MS4A13: variants seen among roughly 807,000 people sequenced by gnomAD.
The protein encoded by MS4A13 is membrane-spanning 4-domains subfamily A member 13.
MS4A13 carries 21 observed loss-of-function variants against 18.4 expected under a neutral mutation model. The ratio of observed to expected loss-of-function variants is 1.14; its 90% CI spans 0.81 to 1.64. The LOEUF is 1.64. MS4A13 is among the 40% of genes most tolerant of loss of function. The probability of loss-of-function intolerance (pLI) is 0.00; values close to 1 mark genes in which losing one functional copy is unlikely to be tolerated. For missense variants in MS4A13, 173 were observed against 176.8 expected (o/e 0.98, Z 0.12); for synonymous variants, 62 against 57.2 (o/e 1.08, Z -0.38).
At chr11:60,525,398 G>A in intron 5 of MS4A13, 72 bp downstream of exon 5, 1 of 1,015,078 alleles carries the variant, frequency 9.9e-7, no homozygotes, top group Non-Finnish European at 1.4e-6. Context: ...AATCTTAGGA[G>A]GTAAGATGAG....
At chr11:60,542,442 T>A (rs2086867869) in intron 6 of MS4A13, 77 bp from the exon 7 acceptor site, 2 of 991,180 alleles carry the variant, frequency 2.0e-6, no homozygotes, top group Non-Finnish European at 1.5e-6. Flanking sequence ...CTGTATTTTT[T>A]AAGAAAAAGA....
chr11:60,529,230 G>T, intron 5 of MS4A13, 135 bp from the exon 6 acceptor site: 1 of 481,640 alleles, frequency 2.1e-6, no homozygotes, highest in Non-Finnish European at 3.6e-6. Flanking sequence ...AATGGTGAAA[G>T]GTTTATCTGT....
intron 6 of MS4A13, among the ~76,000 whole-genome samples, chr11:60,535,497 A>G (rs1353618305): frequency 1.5e-5 from 2 of 136,352 alleles, no homozygotes; most frequent in Non-Finnish European, 3.1e-5. Context: ...CTCTGAATAG[A>G]CCAATAACAG....
intron 6 of MS4A13, among the ~76,000 whole-genome samples, chr11:60,539,992 A>G (rs2086843543): frequency 6.6e-6 from 1 of 152,256 alleles, no homozygotes; most frequent in African/African-American, 2.4e-5. Context: ...TCAAATGCAC[A>G]TGAATAAATA....
At chr11:60,524,661 A>ATT (rs1246862728) in intron 4 of MS4A13, among the ~76,000 whole-genome samples, 12 of 99,930 alleles carry the variant, frequency 1.2e-4, no homozygotes, top group African/African-American at 2.9e-4. Context: ...AAAACACAAT[A>ATT]CTTTTTTTTT....
At chr11:60,535,444 G>A (rs1381755426) in intron 6 of MS4A13, among the ~76,000 whole-genome samples, 5 of 136,242 alleles carry the variant, frequency 3.7e-5, no homozygotes, top group East Asian at 4.7e-4. Flanking sequence ...TACATTCCTC[G>A]ACACATACAC....
At chr11:60,529,995 G>A (rs558856581) in intron 6 of MS4A13, among the ~76,000 whole-genome samples, 10 of 152,272 alleles carry the variant, frequency 6.6e-5, no homozygotes, top group Admixed American at 4.6e-4. Flanking sequence ...TTTGCATACA[G>A]GACCACTAAT....
chr11:60,538,616 A>AT (rs941006957), intron 6 of MS4A13, among the ~76,000 whole-genome samples: 1 of 151,792 alleles, frequency 6.6e-6, no homozygotes, highest in African/African-American at 2.4e-5. Context: ...CAGTACAGAA[A>AT]TTTTTTTCCC....
intron 6 of MS4A13, among the ~76,000 whole-genome samples, chr11:60,541,025 G>C (rs2086853854): frequency 6.6e-6 from 1 of 150,866 alleles, no homozygotes. Flanking sequence ...TAAAATGTCA[G>C]ATATAAATCT....
At chr11:60,520,823 C>T (rs1424790146) in intron 3 of MS4A13, among the ~76,000 whole-genome samples, 1 of 152,238 alleles carries the variant, frequency 6.6e-6, no homozygotes, top group Non-Finnish European at 1.5e-5. Flanking sequence ...TCAGTAGGGA[C>T]TCTGTGTGGC....
chr11:60,519,202 G>C (rs1311117242), intron 3 of MS4A13, among the ~76,000 whole-genome samples: 2 of 152,170 alleles, frequency 1.3e-5, no homozygotes, highest in Admixed American at 1.3e-4. Context: ...AATATCTGGA[G>C]ATATTTTGGA....
chr11:60,522,209 T>C (rs1245584420), intron 3 of MS4A13, among the ~76,000 whole-genome samples: 1 of 39,824 alleles, frequency 2.5e-5, no homozygotes, highest in South Asian at 1.3e-3. Flanking sequence ...GATAGATAGA[T>C]AGATAGATAG....
At chr11:60,520,853 C>T (rs564382019) in intron 3 of MS4A13, among the ~76,000 whole-genome samples, 47 of 152,376 alleles carry the variant, frequency 3.1e-4, no homozygotes, top group Non-Finnish European at 4.9e-4. Flanking sequence ...CCCACATTTC[C>T]CTTCTGCCCT....
intron 6 of MS4A13, among the ~76,000 whole-genome samples, chr11:60,539,189 C>CAAAA (rs33947026): frequency 1.5e-5 from 2 of 131,408 alleles, no homozygotes; most frequent in Non-Finnish European, 3.3e-5. Context: ...AGTGTTGTTT[C>CAAAA]AAAAAAAAAA....
chr11:60,529,185 A>G (rs2086742483), intron 5 of MS4A13, among the ~76,000 whole-genome samples, 180 bp from the exon 6 acceptor site: 1 of 152,002 alleles, frequency 6.6e-6, no homozygotes, highest in South Asian at 2.1e-4. Context: ...AAAGTGTAGC[A>G]GAGGGCAAAG....
At chr11:60,527,243 G>A (rs2135257058) in intron 5 of MS4A13, among the ~76,000 whole-genome samples, 1 of 151,924 alleles carries the variant, frequency 6.6e-6, no homozygotes, top group South Asian at 2.1e-4. Flanking sequence ...GGTTATCTTG[G>A]TTTTAAGTAA....
intron 5 of MS4A13, among the ~76,000 whole-genome samples, chr11:60,527,348 A>C (rs1483233027): frequency 4.6e-5 from 6 of 130,968 alleles, no homozygotes; most frequent in African/African-American, 5.9e-5. Flanking sequence ...ATCTGCCAGG[A>C]ACTCATTCAT....
Position 60,542,678 on chromosome 11 carries a change from A to T in MS4A13, c.*103A>T, listed in dbSNP as rs1290393672. 1 of 626,956 alleles carries T rather than the reference A, an allele frequency of 1.6e-6. No homozygotes were observed. The highest frequency in any genetic ancestry group is 3.1e-5 in the Admixed American group (1 of 32,144). 38.8% of individuals were successfully genotyped at this position (626,956 alleles called of 1,614,324 possible). A position where few individuals can be genotyped will look rare whatever the true frequency, so the allele number is the denominator to read the frequency against. On this transcript the variant is annotated 3_prime_UTR_variant, in exon 7 of 7. Coordinates refer to ENST00000378186, the MANE Select transcript of MS4A13 (RefSeq NM_001012417.3). Reference sequence around the variant, plus strand: ...GTTACGAAGCCTACAGATTTTGTGCAAAATAAAATACAAACAAGGTGAATT... The same window carrying T: ...GTTACGAAGCCTACAGATTTTGTGCTAAATAAAATACAAACAAGGTGAATT...
intron 6 of MS4A13, among the ~76,000 whole-genome samples, chr11:60,532,537 G>T (rs374160000): frequency 6.6e-6 from 1 of 152,168 alleles, no homozygotes; most frequent in Admixed American, 6.5e-5. Context: ...ACGGAATCTC[G>T]CTGATTGCTA....
Sources: allele counts gnomAD v4.1 joint callset (sites outside exome capture counted in the v4.1 genomes callset), GRCh38; gene constraint gnomAD v4.1.1; transcripts MANE v1.5; gene names NCBI Gene and HGNC (gene_info 2026-07-23, HGNC 2026-07-21).